SLC25A21: variants seen among roughly 807,000 people sequenced by gnomAD.
The protein encoded by SLC25A21 is mitochondrial 2-oxodicarboxylate carrier.
Under a neutral mutation model 43.8 loss-of-function variants are expected in SLC25A21, and 47 were observed. The ratio of observed to expected loss-of-function variants is 1.07; its 90% CI spans 0.85 to 1.37. The LOEUF (loss-of-function observed/expected upper bound fraction) is 1.37. SLC25A21 is among the 40% of genes most tolerant of loss of function. The pLI, the probability that SLC25A21 is intolerant of heterozygous loss-of-function variation, is 0.00. For synonymous variants in SLC25A21, 131 were observed against 121.3 expected, an observed-to-expected ratio of 1.08 and a Z score of -0.52; for missense variants, 352 against 350.2, an observed-to-expected ratio of 1.00 and a Z score of -0.04.
At chr14:37,024,779 T>C (rs1258938934) in intron 1 of SLC25A21, among the ~76,000 whole-genome samples, 2 of 152,088 alleles carry the variant, frequency 1.3e-5, no homozygotes, top group Non-Finnish European at 2.9e-5. Flanking sequence ...TTTTAAATAA[T>C]TGGCTTTTAA....
intron 1 of SLC25A21, among the ~76,000 whole-genome samples, chr14:37,051,309 G>C (rs79394548): frequency 6.6e-6 from 1 of 152,094 alleles, no homozygotes; most frequent in Admixed American, 6.6e-5. Context: ...ACAGACTAGG[G>C]GCTTGGAACA....
intron 3 of SLC25A21, among the ~76,000 whole-genome samples, chr14:36,810,754 A>T (rs951539941): frequency 1.3e-5 from 2 of 152,194 alleles, no homozygotes; most frequent in African/African-American, 4.8e-5. Context: ...AAGTATAAGG[A>T]ATACAGAGCT....
chr14:36,799,370 G>C (rs1887786790), intron 3 of SLC25A21, among the ~76,000 whole-genome samples: 1 of 152,130 alleles, frequency 6.6e-6, no homozygotes, highest in South Asian at 2.1e-4. Flanking sequence ...GAGCAATTTG[G>C]AGTTTAAGGA....
At chr14:37,141,671 C>T (rs1428254058) in intron 1 of SLC25A21, among the ~76,000 whole-genome samples, 1 of 152,140 alleles carries the variant, frequency 6.6e-6, no homozygotes. Flanking sequence ...CAAGTTGCCC[C>T]ATTAAAAATC....
intron 1 of SLC25A21, among the ~76,000 whole-genome samples, chr14:36,997,864 C>T (rs1052581900): frequency 4.6e-5 from 7 of 151,738 alleles, no homozygotes; most frequent in Non-Finnish European, 7.4e-5. Flanking sequence ...TCAGAGAGTG[C>T]TTTCATCCAA....
chr14:36,874,757 C>A (rs1316216240), intron 2 of SLC25A21, among the ~76,000 whole-genome samples, 199 bp downstream of exon 2: 2 of 152,206 alleles, frequency 1.3e-5, no homozygotes, highest in Admixed American at 6.5e-5. Flanking sequence ...ATATTACATA[C>A]TTCAGATGAC....
chr14:36,929,595 G>C (rs539328297), intron 1 of SLC25A21, among the ~76,000 whole-genome samples: 2 of 152,128 alleles, frequency 1.3e-5, no homozygotes, highest in African/African-American at 4.8e-5. Context: ...GAAGTAGCAG[G>C]CTTGGCGATA....
chr14:36,714,061 G>T (rs1166819373), intron 6 of SLC25A21, among the ~76,000 whole-genome samples: 1 of 152,132 alleles, frequency 6.6e-6, no homozygotes, highest in Non-Finnish European at 1.5e-5. Context: ...TGAGATTGTT[G>T]AAAGAAGTCA....
Position 36,690,447 on chromosome 14 carries a change from G to A in SLC25A21, c.604-5522C>T, listed in dbSNP as rs149025210. ...TCCAAGATCACACTGCTTGTAAGAG[G>A]TGGAGCCTGGATTTAAGCCCAGCTC... On this transcript the variant is annotated intron_variant, in intron 7 of 9. Transcript: ENST00000331299. Among the ~76,000 whole-genome samples, 784 of 152,272 alleles carry A rather than the reference G, an allele frequency of 5.1e-3. 7 individuals carry two copies. Among genetic ancestry groups the A allele is most frequent in the African/African-American group, 0.018 (761 of 41,544 alleles).
intron 1 of SLC25A21, among the ~76,000 whole-genome samples, chr14:37,054,675 T>C (rs1961782498): frequency 6.6e-6 from 1 of 151,740 alleles, no homozygotes; most frequent in Non-Finnish European, 1.5e-5. Flanking sequence ...GTTGAGAAGT[T>C]TGACAAGACT....
chr14:36,680,693 C>T lies in SLC25A21; in HGVS notation c.865G>A (p.Glu289Lys), dbSNP rs865783486. ...TCTTGAAGCCATGAATAGGTGTATTCATAAACCAGCAGCATCACTGCACCA... is the reference window on the plus strand; with the variant it reads ...TCTTGAAGCCATGAATAGGTGTATTTATAAACCAGCAGCATCACTGCACCA... ...PGGAVMLLVYEYTYSWLQENW is the reference protein window; with the variant it reads ...PGGAVMLLVYKYTYSWLQENW Residue 289 changes from glutamate (E) to lysine (K), a missense_variant, in exon 10 of 10, where the codon GAA (glutamate) becomes AAA (lysine). Coordinates refer to ENST00000331299, the MANE Select transcript of SLC25A21 (RefSeq NM_030631.4). 1.2e-6 allele frequency: 2 copies of T among 1,613,176 alleles called. No homozygotes were observed. The highest frequency in any genetic ancestry group is 1.7e-6 in the Non-Finnish European group (2 of 1,179,608).
At chr14:36,816,363 A>G (rs150566916) in intron 2 of SLC25A21, among the ~76,000 whole-genome samples, 1 of 152,292 alleles carries the variant, frequency 6.6e-6, no homozygotes, top group Non-Finnish European at 1.5e-5. Context: ...GGAAGGAGAT[A>G]CAATAGACTG....
chr14:36,968,843 G>A (rs1411094138), intron 1 of SLC25A21, among the ~76,000 whole-genome samples: 1 of 152,172 alleles, frequency 6.6e-6, no homozygotes, highest in African/African-American at 2.4e-5. Flanking sequence ...AAGAGGCTCA[G>A]CAAGGGACTT....
At position 36,956,171 on chromosome 14, in the gene SLC25A21, C is replaced by T. The variant is rs543690698; in HGVS notation, c.71-81167G>A. On this transcript the variant is annotated intron_variant, in intron 1 of 9. Coordinates refer to ENST00000331299, the MANE Select transcript of SLC25A21 (RefSeq NM_030631.4). ...CGCTGAGCCTCGGAGTTAAGAGAGTCGCCATGTGCATTTATGTGTTTTCTC... is the reference window on the plus strand; with the variant it reads ...CGCTGAGCCTCGGAGTTAAGAGAGTTGCCATGTGCATTTATGTGTTTTCTC... Among the ~76,000 whole-genome samples the T allele has an allele frequency of 1.4e-4, 21 of 152,264 alleles. No individual in the cohort carries two copies. The South Asian group carries it at 3.9e-3, about 29-fold the overall frequency.
intron 2 of SLC25A21, among the ~76,000 whole-genome samples, chr14:36,851,834 AC>A (rs1889748535): frequency 6.6e-6 from 1 of 152,146 alleles, no homozygotes; most frequent in African/African-American, 2.4e-5. Context: ...CTTGATACAC[AC>A]TGATGTTTGC....
At chr14:36,743,256 C>T (rs755355173) in intron 3 of SLC25A21, among the ~76,000 whole-genome samples, 18 of 152,074 alleles carry the variant, frequency 1.2e-4, no homozygotes, top group Admixed American at 1.0e-3. Context: ...GTGTTCATTG[C>T]CCCATTAATC....
chr14:36,716,438 T>G, intron 6 of SLC25A21, among the ~76,000 whole-genome samples: 1 of 152,324 alleles, frequency 6.6e-6, no homozygotes, highest in Middle Eastern at 3.4e-3. Context: ...ATAGTCACTA[T>G]GTGAGATGAT....
chr14:36,747,528 A>G (rs1885546201), intron 3 of SLC25A21, among the ~76,000 whole-genome samples: 1 of 152,154 alleles, frequency 6.6e-6, no homozygotes, highest in Non-Finnish European at 1.5e-5. Flanking sequence ...AAAGCCTCAG[A>G]ATTCAGAGAT....
At chr14:36,815,026 G>A (rs919211332) in intron 2 of SLC25A21, among the ~76,000 whole-genome samples, 2 of 152,128 alleles carry the variant, frequency 1.3e-5, no homozygotes, top group Admixed American at 6.5e-5. Flanking sequence ...GCAGGGACAC[G>A]GATTAAGCTG....
Sources: allele counts gnomAD v4.1 joint callset (sites outside exome capture counted in the v4.1 genomes callset), GRCh38; gene constraint gnomAD v4.1.1; transcripts MANE v1.5; gene names NCBI Gene and HGNC (gene_info 2026-07-23, HGNC 2026-07-21).